The following WFDC8 variants were observed in gnomAD, a reference collection of about 807,000 sequenced individuals.
WFDC8 encodes WAP four-disulfide core domain protein 8.
Under a neutral mutation model 27.0 loss-of-function variants are expected in WFDC8, and 24 were observed. The ratio of observed to expected loss-of-function variants is 0.89; its 90% CI spans 0.64 to 1.25. The LOEUF (loss-of-function observed/expected upper bound fraction) is 1.25, where lower values mean the gene tolerates loss of function less well. WFDC8 is among the 50% of genes most tolerant of loss of function. The pLI, the probability that WFDC8 is intolerant of heterozygous loss-of-function variation, is 0.00. For missense variants in WFDC8, 287 were observed against 295.9 expected (o/e 0.97, Z 0.22); for synonymous variants, 106 against 99.7 (o/e 1.06, Z -0.38).
chr20:45,558,703 T>C, intron 3 of WFDC8, 149 bp downstream of exon 3: 2 of 924,378 alleles, frequency 2.2e-6, no homozygotes, highest in Middle Eastern at 3.4e-4. Context: ...CCTAGACTTA[T>C]GACTTGTACT....
intron 1 of WFDC8, among the ~76,000 whole-genome samples, chr20:45,578,209 G>T (rs1381807724): frequency 1.3e-5 from 2 of 151,254 alleles, no homozygotes; most frequent in Non-Finnish European, 3.0e-5. Context: ...TTGATCAAAT[G>T]ATGAAAATGT....
intron 1 of WFDC8, chr20:45,568,784 C>A (rs1331186402): frequency 2.2e-6 from 1 of 444,470 alleles, no homozygotes; most frequent in Non-Finnish European, 4.6e-6. Context: ...AATTACAAAA[C>A]AACATGTCTT....
chr20:45,553,312 C>T (rs775184757), intron 4 of WFDC8, 36 bp from the exon 5 acceptor site: 2 of 1,592,052 alleles, frequency 1.3e-6, no homozygotes, highest in Non-Finnish European at 1.7e-6. Flanking sequence ...CTTAAAACCC[C>T]ACCCCCATCC....
Position 45,553,205 on chromosome 20 carries a change from T to A in WFDC8, c.517A>T (p.Ile173Phe). Residue 173 changes from isoleucine to phenylalanine, a missense_variant, in exon 5 of 6, where the codon ATC becomes TTC. Physicochemically the swap from Ile to Phe is conservative, Grantham distance 21. Coordinates refer to ENST00000289953, the MANE Select transcript of WFDC8 (RefSeq NM_130896.3). ...CATTTGTCTGTCTGGGGACAATCGA[T>A]GTCACTGTGACATGAAGGTGGACAC... ...KECPPSCHSDIDCPQTDKCCE... is the reference protein window; with the variant it reads ...KECPPSCHSDFDCPQTDKCCE... 3.1e-6 allele frequency: 5 copies of A among 1,613,898 alleles called. No homozygotes were observed. Among genetic ancestry groups the A allele is most frequent in the Non-Finnish European group, 4.2e-6 (5 of 1,179,816 alleles).
intron 1 of WFDC8, among the ~76,000 whole-genome samples, chr20:45,564,259 G>A (rs577201012): frequency 6.6e-6 from 1 of 152,228 alleles, no homozygotes; most frequent in African/African-American, 2.4e-5. Context: ...GGAATACACG[G>A]ACACAAATGT....
At chr20:45,567,723 A>G (rs1277540477) in intron 1 of WFDC8, among the ~76,000 whole-genome samples, 1 of 152,262 alleles carries the variant, frequency 6.6e-6, no homozygotes, top group Non-Finnish European at 1.5e-5. Flanking sequence ...CAAAAACGTA[A>G]AAGCACAGGG....
At position 45,551,908 on chromosome 20, in the gene WFDC8, C is replaced by A. The variant is rs889853939; in HGVS notation, c.*118G>T. 1.6e-6 allele frequency: 2 copies of A among 1,232,198 alleles called. No individual in the cohort carries two copies. Among genetic ancestry groups the A allele is most frequent in the African/African-American group, 3.0e-5 (2 of 65,834 alleles). The allele number at this position is 1,232,198 out of a possible 1,614,324, so 76.3% of individuals were successfully genotyped here. On this transcript the variant is annotated 3_prime_UTR_variant, in exon 6 of 6. Transcript: ENST00000289953. ...ATTATATATAAAATCAAAGTAACAT[C>A]ATTCAATATTGTGATACTTAAGATA...
intron 4 of WFDC8, among the ~76,000 whole-genome samples, chr20:45,554,413 G>A (rs991516970): frequency 6.6e-6 from 1 of 152,156 alleles, no homozygotes; most frequent in Non-Finnish European, 1.5e-5. Context: ...TTAGGAGTCA[G>A]ATTAGGGCTG....
chr20:45,564,711 G>A (rs888734973), intron 1 of WFDC8, among the ~76,000 whole-genome samples: 5 of 150,336 alleles, frequency 3.3e-5, no homozygotes, highest in Admixed American at 6.6e-5. Context: ...GCATGGCAGC[G>A]CACACCTGTG....
intron 1 of WFDC8, among the ~76,000 whole-genome samples, chr20:45,578,157 T>A (rs1332548515): frequency 6.6e-6 from 1 of 151,402 alleles, no homozygotes; most frequent in African/African-American, 2.4e-5. Flanking sequence ...ATCTCTGTCA[T>A]GTGTCTTCAG....
intron 2 of WFDC8, among the ~76,000 whole-genome samples, chr20:45,561,452 C>T (rs975128938): frequency 2.6e-5 from 4 of 152,262 alleles, no homozygotes; most frequent in Admixed American, 2.0e-4. Flanking sequence ...CTTTCTATTC[C>T]GCATCTTGAC....
At chr20:45,566,650 G>A (rs975697592) in intron 1 of WFDC8, among the ~76,000 whole-genome samples, 1 of 152,106 alleles carries the variant, frequency 6.6e-6, no homozygotes, top group African/African-American at 2.4e-5. Context: ...GCAACAGAGC[G>A]AGACTCTGTC....
At chr20:45,553,367 C>A in intron 4 of WFDC8, 91 bp from the exon 5 acceptor site, 1 of 1,480,532 alleles carries the variant, frequency 6.8e-7, no homozygotes, top group East Asian at 2.4e-5. Context: ...AGCTAGTATC[C>A]CTTTCTGCAA....
Position 45,558,926 on chromosome 20 carries a change from GTGTTA to G in WFDC8, c.198_202del (p.Asn67ArgfsTer3), listed in dbSNP as rs1980367481. The G allele has an allele frequency of 6.2e-7, 1 of 1,614,196 alleles. No individual in the cohort carries two copies. Among genetic ancestry groups the G allele is most frequent in the African/African-American group, 1.3e-5 (1 of 75,060 alleles). On this transcript the variant is annotated frameshift_variant, in exon 3 of 6. Transcript: ENST00000289953. LOFTEE classifies it high-confidence loss of function. ...CTGGTATTCCTTGCAGTCAAAATCT[GTGTTA>G]CATGAGTCCGGAAGTTCAGTGGTAC... is the stretch of plus-strand genomic sequence containing the variant.
At chr20:45,568,770 C>G (rs147612868) in intron 1 of WFDC8, 1 of 458,146 alleles carries the variant, frequency 2.2e-6, no homozygotes, top group African/African-American at 2.0e-5. Context: ...GTGACACTCT[C>G]GATAATTACA....
rs147484819 is a variant in WFDC8 at position 45,561,257 on chromosome 20, C to T, written c.136+853G>A. 2.6e-5 allele frequency among the ~76,000 whole-genome samples: 4 copies of T among 152,236 alleles called. No individual in the cohort carries two copies. In the East Asian group the frequency reaches 5.8e-4, roughly 22 times the overall value. ...ACTTGACACATACTTCCTGGGTAAT[C>T]CCACTCGTTCCCACGATCCCAACTA... On this transcript the variant is annotated intron_variant, in intron 2 of 5. Transcript: ENST00000289953.
At chr20:45,577,329 G>A (rs748645493) in intron 1 of WFDC8, among the ~76,000 whole-genome samples, 1 of 151,216 alleles carries the variant, frequency 6.6e-6, no homozygotes, top group East Asian at 1.9e-4. Context: ...GATAAGCTTG[G>A]TTCAGGCATG....
At position 45,559,006 on chromosome 20, in the gene WFDC8, A is replaced by C; in HGVS notation, c.137-14T>G. ...ACCCTGGTTTGTCTGCAAGAAAGAA[A>C]TGTCCAAACTCACATTCTTTCGGAA... On this transcript the variant is annotated splice_polypyrimidine_tract_variant and intron_variant, in intron 2 of 5. Transcript: ENST00000289953. The C allele has an allele frequency of 6.2e-7, 1 of 1,613,604 alleles. No homozygotes were observed. Among genetic ancestry groups the C allele is most frequent in the Non-Finnish European group, 8.5e-7 (1 of 1,179,776 alleles).
chr20:45,574,994 C>A (rs1404991140), intron 1 of WFDC8, among the ~76,000 whole-genome samples: 1 of 151,984 alleles, frequency 6.6e-6, no homozygotes, highest in African/African-American at 2.4e-5. Flanking sequence ...GATAAAAAAT[C>A]TCAACAAATT....
Sources: allele counts gnomAD v4.1 joint callset (sites outside exome capture counted in the v4.1 genomes callset), GRCh38; gene constraint gnomAD v4.1.1; transcripts MANE v1.5; gene names NCBI Gene and HGNC (gene_info 2026-07-23, HGNC 2026-07-21).